Variants in TECPR2 observed in about 807,000 individuals in gnomAD.
The protein encoded by TECPR2 is tectonin beta-propeller repeat-containing protein 2.
TECPR2 carries 65 observed loss-of-function variants against 138.1 expected under a neutral mutation model. The ratio of observed to expected loss-of-function variants is 0.47; its 90% confidence interval spans 0.39 to 0.58. TECPR2 has a LOEUF of 0.58. TECPR2 is among the 20% of genes least tolerant of loss of function. The pLI, the probability that TECPR2 is intolerant of heterozygous loss-of-function variation, is 0.00. For synonymous variants in TECPR2, 746 were observed against 749.8 expected (o/e 0.99, Z 0.08); for missense variants, 1,553 against 1,824.5 (o/e 0.85, Z 2.71).
intron 6 of TECPR2, among the ~76,000 whole-genome samples, chr14:102,427,978 G>A (rs1411458115): frequency 9.2e-5 from 14 of 152,286 alleles, no homozygotes; most frequent in African/African-American, 1.7e-4. Context: ...TGGCAGGGCC[G>A]GTGCACCTGC....
intron 13 of TECPR2, 43 bp downstream of exon 13, chr14:102,445,990 T>G: frequency 1.9e-6 from 3 of 1,565,920 alleles, no homozygotes; most frequent in Non-Finnish European, 2.6e-6. Flanking sequence ...TCTCCCGACC[T>G]TTTCTGCTTC....
intron 17 of TECPR2, among the ~76,000 whole-genome samples, chr14:102,467,319 ATTTTTTT>A (rs35221234): frequency 8.7e-6 from 1 of 114,422 alleles, no homozygotes; most frequent in Admixed American, 9.8e-5. Context: ...ATCCTCACCA[ATTTTTTT>A]TTTTTTTTTT....
At chr14:102,397,369 A>C (rs990038793) in intron 2 of TECPR2, among the ~76,000 whole-genome samples, 1 of 152,228 alleles carries the variant, frequency 6.6e-6, no homozygotes, top group Non-Finnish European at 1.5e-5. Context: ...AGGAAAAAAA[A>C]AACAACTGAA....
intron 2 of TECPR2, among the ~76,000 whole-genome samples, chr14:102,397,098 T>A (rs1888335087): frequency 6.6e-6 from 1 of 152,146 alleles, no homozygotes; most frequent in East Asian, 1.9e-4. Flanking sequence ...GAAGTGACTG[T>A]GCATGCCTAG....
rs1262929561 is a variant in TECPR2 at position 102,363,073 on chromosome 14, C to G, written c.-116C>G. Reference sequence around the variant, plus strand: ...CGGCCCGGAGTCCATCCCGCCTCCTCCGGCCCGGCGGGGCCGACGAGTCCG... The same window carrying G: ...CGGCCCGGAGTCCATCCCGCCTCCTGCGGCCCGGCGGGGCCGACGAGTCCG... On this transcript the variant is annotated 5_prime_UTR_variant, in exon 1 of 20. Transcript: ENST00000359520. 2 of 509,566 alleles carry G rather than the reference C, an allele frequency of 3.9e-6. No individual in the cohort carries two copies. The highest frequency in any genetic ancestry group is 3.4e-5 in the East Asian group (1 of 29,200). 31.6% of individuals were successfully genotyped at this position (509,566 alleles called of 1,614,324 possible).
At chr14:102,380,523 G>A (rs1376176164) in intron 2 of TECPR2, among the ~76,000 whole-genome samples, 3 of 152,184 alleles carry the variant, frequency 2.0e-5, no homozygotes, top group Admixed American at 6.5e-5. Context: ...CAGGAGGGGG[G>A]AAACCATGCC....
chr14:102,465,697 G>A (rs1567354017), intron 17 of TECPR2: 2 of 976,166 alleles, frequency 2.0e-6, no homozygotes, highest in South Asian at 9.4e-5. Context: ...AATGCTGAGT[G>A]CCTCTCCTGG....
At chr14:102,387,917 A>G (rs1186695734) in intron 2 of TECPR2, among the ~76,000 whole-genome samples, 1 of 152,214 alleles carries the variant, frequency 6.6e-6, no homozygotes, top group Non-Finnish European at 1.5e-5. Flanking sequence ...CCAACACACC[A>G]TACTGACATG....
At chr14:102,476,688 A>G (rs1880401274) in intron 17 of TECPR2, among the ~76,000 whole-genome samples, 1 of 152,154 alleles carries the variant, frequency 6.6e-6, no homozygotes, top group African/African-American at 2.4e-5. Flanking sequence ...ATACAACTGA[A>G]AGTTGTCCAA....
chr14:102,462,959 A>G (rs966814660), intron 16 of TECPR2, among the ~76,000 whole-genome samples: 1 of 152,212 alleles, frequency 6.6e-6, no homozygotes, highest in African/African-American at 2.4e-5. Flanking sequence ...GATTCCCAGC[A>G]TCATTCCTTA....
chr14:102,404,062 T>C (rs778803909), intron 2 of TECPR2, among the ~76,000 whole-genome samples: 51 of 128,438 alleles, frequency 4.0e-4, no homozygotes, highest in South Asian at 7.5e-4. Context: ...TATGCCCGGC[T>C]TTTTTTTTTT....
intron 17 of TECPR2, among the ~76,000 whole-genome samples, chr14:102,480,519 C>T (rs910520937): frequency 2.4e-4 from 36 of 149,920 alleles, no homozygotes; most frequent in South Asian, 4.3e-4. Context: ...CCACCATGCC[C>T]GGCCTATTTT....
chr14:102,469,100 A>T (rs543773639), intron 17 of TECPR2, among the ~76,000 whole-genome samples: 5 of 152,236 alleles, frequency 3.3e-5, no homozygotes, highest in Middle Eastern at 3.4e-3. Flanking sequence ...CATCCATGTG[A>T]ATTTTGGGAT....
intron 9 of TECPR2, among the ~76,000 whole-genome samples, chr14:102,437,821 A>T (rs1889708958): frequency 6.6e-6 from 1 of 152,138 alleles, no homozygotes; most frequent in East Asian, 1.9e-4. Context: ...TTGTAGGGAG[A>T]CAGCAGCACG....
intron 4 of TECPR2, among the ~76,000 whole-genome samples, chr14:102,413,424 G>T (rs1447334309): frequency 6.6e-6 from 1 of 151,206 alleles, no homozygotes; most frequent in Non-Finnish European, 1.5e-5. Context: ...GTGTTGCCCA[G>T]GCTGGAGTGC....
intron 7 of TECPR2, among the ~76,000 whole-genome samples, chr14:102,431,341 T>A (rs1889466284): frequency 1.5e-5 from 1 of 67,806 alleles, no homozygotes; most frequent in African/African-American, 8.5e-5. Context: ...TTTTGGTGGA[T>A]TTTTTTTTTT....
chr14:102,447,918 C>G (rs942792653), intron 13 of TECPR2, among the ~76,000 whole-genome samples: 1 of 152,136 alleles, frequency 6.6e-6, no homozygotes, highest in Non-Finnish European at 1.5e-5. Context: ...GCTTGTCTTG[C>G]ATTGACTGCT....
chr14:102,392,072 T>C (rs1426377975), intron 2 of TECPR2, among the ~76,000 whole-genome samples: 4 of 152,154 alleles, frequency 2.6e-5, no homozygotes, highest in Non-Finnish European at 4.4e-5. Flanking sequence ...CACCGCAACC[T>C]CTGCCTCCCA....
At chr14:102,465,092 G>A in intron 16 of TECPR2, 49 bp from the exon 17 acceptor site, 1 of 1,590,754 alleles carries the variant, frequency 6.3e-7, no homozygotes, top group African/African-American at 1.4e-5. Context: ...TGAAAGAATA[G>A]TCATTGTACA....
Sources: gnomAD v4.1 joint callset for allele counts (sites outside exome capture counted in the v4.1 genomes callset) on GRCh38, gnomAD v4.1.1 for gene constraint, MANE v1.5 for transcripts, NCBI Gene and HGNC (gene_info 2026-07-23, HGNC 2026-07-21) for gene names.